NPSR1: variants seen among roughly 807,000 people sequenced by gnomAD.
The protein encoded by NPSR1 is neuropeptide S receptor 1.
Under a neutral mutation model 46.9 loss-of-function variants are expected in NPSR1, and 48 were observed. That is an observed-to-expected ratio of 1.02 (90% CI 0.81 to 1.30). NPSR1 has a LOEUF of 1.30. Among genes scored for constraint, NPSR1 ranks in the 50% most tolerant of loss-of-function variants. The probability of loss-of-function intolerance (pLI) is 0.00; values close to 1 mark genes in which losing one functional copy is unlikely to be tolerated. For missense variants in NPSR1, 450 were observed against 449.5 expected, an observed-to-expected ratio of 1.00 and a Z score of -0.01; for synonymous variants, 176 against 168.1, an observed-to-expected ratio of 1.05 and a Z score of -0.36.
intron 3 of NPSR1, among the ~76,000 whole-genome samples, chr7:34,794,963 C>T (rs754130151): frequency 1.1e-4 from 16 of 152,048 alleles, no homozygotes; most frequent in African/African-American, 3.4e-4. Context: ...TATTTGAGCC[C>T]AGGGGTTAGA....
At chr7:34,807,376 C>T (rs1788752820) in intron 3 of NPSR1, among the ~76,000 whole-genome samples, 1 of 151,368 alleles carries the variant, frequency 6.6e-6, no homozygotes, top group Admixed American at 6.6e-5. Context: ...TTTGTTTATT[C>T]TTCTGTAAAA....
At chr7:34,694,091 C>A (rs997327972) in intron 2 of NPSR1, among the ~76,000 whole-genome samples, 2 of 152,042 alleles carry the variant, frequency 1.3e-5, no homozygotes, top group Non-Finnish European at 2.9e-5. Flanking sequence ...AACTGGAACA[C>A]AATGAGGATG....
chr7:34,706,809 GA>G (rs1022987454), intron 2 of NPSR1, among the ~76,000 whole-genome samples: 6 of 151,860 alleles, frequency 4.0e-5, no homozygotes, highest in African/African-American at 1.5e-4. Flanking sequence ...TCAATGCTAG[GA>G]AATCTCTCTC....
intron 2 of NPSR1, among the ~76,000 whole-genome samples, chr7:34,758,534 C>A (rs1785995499): frequency 6.6e-6 from 1 of 152,200 alleles, no homozygotes; most frequent in South Asian, 2.1e-4. Context: ...CAGCTCTTCC[C>A]CTATGGGTTG....
At chr7:34,751,493 C>G in intron 2 of NPSR1, 2 of 1,350,112 alleles carry the variant, frequency 1.5e-6, no homozygotes, top group Non-Finnish European at 2.1e-6. Flanking sequence ...TCCGTGTCAT[C>G]TGCTGCCCCA....
intron 2 of NPSR1, among the ~76,000 whole-genome samples, chr7:34,701,708 G>T (rs35842584): frequency 7.9e-4 from 121 of 152,268 alleles, no homozygotes; most frequent in African/African-American, 2.9e-3. Context: ...CAAACATTCA[G>T]AAAACTAAAT....
intron 3 of NPSR1, chr7:34,779,464 T>C: frequency 8.4e-6 from 4 of 476,566 alleles, no homozygotes; most frequent in Non-Finnish European, 1.3e-5. Context: ...TTCCATTTGT[T>C]AGTAGACTCT....
At chr7:34,845,580 G>A (rs1323330903) in intron 7 of NPSR1, 1 of 455,100 alleles carries the variant, frequency 2.2e-6, no homozygotes, top group Non-Finnish European at 4.4e-6. Flanking sequence ...ACCTCCCTGA[G>A]GGCTCCTTGA....
intron 2 of NPSR1, among the ~76,000 whole-genome samples, chr7:34,741,724 A>G (rs1583920131): frequency 6.6e-6 from 1 of 152,238 alleles, no homozygotes; most frequent in Admixed American, 6.5e-5. Flanking sequence ...AAACTCTTCA[A>G]GAATAAAGTC....
chr7:34,853,372 GATC>G (rs1384669012), downstream of NPSR1, among the ~76,000 whole-genome samples: 47 of 152,312 alleles, frequency 3.1e-4, no homozygotes, highest in East Asian at 8.9e-3. Flanking sequence ...CTTATATGCA[GATC>G]GACTAGTGTC....
chr7:34,747,074 G>A (rs1288069484), intron 2 of NPSR1, among the ~76,000 whole-genome samples: 4 of 147,786 alleles, frequency 2.7e-5, no homozygotes, highest in South Asian at 4.3e-4. Flanking sequence ...GCAGTGAGCC[G>A]AGACTGCGCC....
At chr7:34,709,888 A>G (rs1783188181) in intron 2 of NPSR1, among the ~76,000 whole-genome samples, 1 of 152,204 alleles carries the variant, frequency 6.6e-6, no homozygotes, top group Non-Finnish European at 1.5e-5. Flanking sequence ...AGAAACCATT[A>G]TTCTTCTGTA....
chr7:34,816,271 T>C (rs1245296166), intron 4 of NPSR1, among the ~76,000 whole-genome samples: 3 of 116,286 alleles, frequency 2.6e-5, no homozygotes, highest in East Asian at 4.8e-4. Flanking sequence ...GCAATCCTAG[T>C]GTCTGATAAA....
chr7:34,854,234 GAA>G (rs1477236222), downstream of NPSR1, among the ~76,000 whole-genome samples: 1 of 152,052 alleles, frequency 6.6e-6, no homozygotes, highest in African/African-American at 2.4e-5. Flanking sequence ...AAGAAAGCAA[GAA>G]AAGAGAGAAA....
rs1790824078 is a variant in NPSR1, at chr7:34,848,590, C to G, written c.952C>G (p.Leu318Val). The G allele has an allele frequency of 6.2e-7, 1 of 1,614,202 alleles. No homozygotes were observed. Among genetic ancestry groups the G allele is most frequent in the African/African-American group, 1.3e-5 (1 of 75,060 alleles). Residue 318 changes from leucine (L) to valine (V), a missense_variant, in exon 8 of 9, where the codon CTG (leucine) becomes GTG (valine). By Grantham distance (32) the Leu-to-Val change is conservative (BLOSUM62 1). Coordinates refer to ENST00000360581, the MANE Select transcript of NPSR1 (RefSeq NM_207172.2). ...RFYASVIIQNLPALNSAINPL... is the reference protein window; with the variant it reads ...RFYASVIIQNVPALNSAINPL... ...CTATGCCTCTGTGATCATTCAGAACCTGCCAGCATTGAATAGTGCCATCAA... is the reference window on the plus strand; with the variant it reads ...CTATGCCTCTGTGATCATTCAGAACGTGCCAGCATTGAATAGTGCCATCAA...
chr7:34,824,327 A>G (rs1203640631), intron 4 of NPSR1, among the ~76,000 whole-genome samples: 1 of 152,244 alleles, frequency 6.6e-6, no homozygotes, highest in African/African-American at 2.4e-5. Flanking sequence ...AGAAATGGAC[A>G]AGAGCACATG....
intron 2 of NPSR1, among the ~76,000 whole-genome samples, chr7:34,684,942 T>C (rs1289361396): frequency 1.3e-5 from 2 of 152,246 alleles, no homozygotes; most frequent in East Asian, 1.9e-4. Flanking sequence ...AATGGTTCTA[T>C]AGGGTTTCCC....
chr7:34,762,866 A>G (rs560313171), intron 2 of NPSR1, among the ~76,000 whole-genome samples: 1 of 152,322 alleles, frequency 6.6e-6, no homozygotes, highest in African/African-American at 2.4e-5. Flanking sequence ...ATGTTCATGT[A>G]CGAGTCATCT....
chr7:34,781,119 G>T (rs141564028), intron 3 of NPSR1, among the ~76,000 whole-genome samples: 13 of 152,268 alleles, frequency 8.5e-5, no homozygotes, highest in African/African-American at 2.6e-4. Flanking sequence ...TGTAACCTGT[G>T]AATGATCTTG....
Sources: gnomAD v4.1 joint callset for allele counts (sites outside exome capture counted in the v4.1 genomes callset) on GRCh38, gnomAD v4.1.1 for gene constraint, MANE v1.5 for transcripts, NCBI Gene and HGNC (gene_info 2026-07-23, HGNC 2026-07-21) for gene names.